Variants in PKD2 observed in about 807,000 individuals in gnomAD.
PKD2 encodes polycystin-2.
Under a neutral mutation model 105.9 loss-of-function variants are expected in PKD2, and 48 were observed. The ratio of observed to expected loss-of-function variants is 0.45; its 90% CI spans 0.36 to 0.58. The LOEUF (loss-of-function observed/expected upper bound fraction) is 0.58, where lower values mean the gene tolerates loss of function less well. Among genes scored for constraint, PKD2 ranks in the 20% least tolerant of loss-of-function variants. PKD2 has a pLI of 0.00. For missense variants in PKD2, 1,078 were observed against 1,255.3 expected (o/e 0.86, Z 2.13); for synonymous variants, 464 against 481.1 (o/e 0.96, Z 0.46).
At chr4:88,062,940 T>C (rs577799701) in intron 10 of PKD2, among the ~76,000 whole-genome samples, 1 of 152,342 alleles carries the variant, frequency 6.6e-6, no homozygotes, top group South Asian at 2.1e-4. Context: ...ACACAAACTT[T>C]GGTTACCCCA....
In PKD2 at chr4:88,043,347, T is replaced by C; in HGVS notation, c.1209T>C (p.Ala403=). The change falls in exon 5 of 15, where the codon GCT becomes GCC. Residue 403 remains alanine (A), a synonymous_variant. Transcript: ENST00000237596. ...LDLSRTREET[A]AQVASLKKNV... ...TGTCAAGAACAAGAGAGGAAACAGC[T>C]GCACAAGTTGCTAGCCTCAAGAAAA... is the stretch of plus-strand genomic sequence containing the variant. 1 of 1,613,964 alleles carries C rather than the reference T, an allele frequency of 6.2e-7. No individual in the cohort carries two copies. The highest frequency in any genetic ancestry group is 8.5e-7 in the Non-Finnish European group (1 of 1,179,870).
intron 10 of PKD2, 132 bp from the exon 11 acceptor site, chr4:88,065,242 C>G: frequency 1.3e-6 from 1 of 782,228 alleles, no homozygotes; most frequent in Admixed American, 2.0e-5. Flanking sequence ...ATTCTTCATT[C>G]ATCCAGCACG....
At chr4:88,069,031 A>C (rs1720897165) in intron 13 of PKD2, among the ~76,000 whole-genome samples, 2 of 152,210 alleles carry the variant, frequency 1.3e-5, no homozygotes, top group South Asian at 2.1e-4. Flanking sequence ...CCCTGTTTTC[A>C]TTACAAGATG....
chr4:88,035,439 G>T (rs1727298125), intron 2 of PKD2, among the ~76,000 whole-genome samples: 1 of 152,166 alleles, frequency 6.6e-6, no homozygotes, highest in Non-Finnish European at 1.5e-5. Flanking sequence ...GAGATGTGGT[G>T]GGGTTAAGAG....
At chr4:88,064,657 C>T (rs1019609257) in intron 10 of PKD2, among the ~76,000 whole-genome samples, 5 of 151,724 alleles carry the variant, frequency 3.3e-5, no homozygotes, top group African/African-American at 1.2e-4. Flanking sequence ...CTTTGGAAGG[C>T]GAGGCAGGCA....
chr4:88,039,173 G>A (rs543877379), intron 4 of PKD2, among the ~76,000 whole-genome samples: 23 of 152,266 alleles, frequency 1.5e-4, no homozygotes, highest in Admixed American at 3.9e-4. Context: ...CCCTGGGTAC[G>A]TCACTGGTCG....
chr4:88,017,528 G>T (rs1024159297), intron 1 of PKD2, among the ~76,000 whole-genome samples: 6 of 152,054 alleles, frequency 3.9e-5, no homozygotes, highest in African/African-American at 1.4e-4. Flanking sequence ...TTCTGCCTCA[G>T]CCTCCCATGT....
intron 13 of PKD2, among the ~76,000 whole-genome samples, chr4:88,074,388 T>TC (rs1318203366): frequency 6.6e-6 from 1 of 152,128 alleles, no homozygotes; most frequent in African/African-American, 2.4e-5. Context: ...TCTGCACACT[T>TC]CCGCCTCCCA....
chr4:88,055,504 T>G (rs775645831), intron 7 of PKD2, among the ~76,000 whole-genome samples: 16 of 151,990 alleles, frequency 1.1e-4, no homozygotes, highest in South Asian at 2.1e-4. Flanking sequence ...ACCTGACTAA[T>G]TTATTTTTAT....
chr4:88,018,188 G>A (rs1012078368), intron 1 of PKD2, among the ~76,000 whole-genome samples: 5 of 152,202 alleles, frequency 3.3e-5, no homozygotes, highest in African/African-American at 9.6e-5. Context: ...CTGGTGAAAC[G>A]TATGATGCGT....
At chr4:88,021,158 T>C (rs895764650) in intron 2 of PKD2, among the ~76,000 whole-genome samples, 7 of 152,228 alleles carry the variant, frequency 4.6e-5, no homozygotes, top group African/African-American at 1.7e-4. Flanking sequence ...AAATTTCTTA[T>C]GCAAAATAGA....
At chr4:88,032,558 G>A (rs894858062) in intron 2 of PKD2, among the ~76,000 whole-genome samples, 6 of 152,202 alleles carry the variant, frequency 3.9e-5, no homozygotes, top group African/African-American at 1.4e-4. Flanking sequence ...GAAGAAAGAT[G>A]TGTACATATG....
chr4:88,035,875 C>G (rs1215524062), intron 2 of PKD2, among the ~76,000 whole-genome samples: 2 of 152,068 alleles, frequency 1.3e-5, no homozygotes, highest in African/African-American at 4.8e-5. Context: ...GCCTCACTGG[C>G]AGGGAGGATC....
rs1721246095 is a variant in PKD2, at chr4:88,076,728, G to GT, written c.*1035dup. On this transcript the variant is annotated 3_prime_UTR_variant, in exon 15 of 15. Transcript: ENST00000237596. ...CGGTCAGGTATGACGGCTCACGCCT[G>GT]TAATCCCAGCACTTTGGGAGGCCGA... 1 of 152,200 alleles carries GT rather than the reference G, an allele frequency of 6.6e-6. No homozygotes were observed. Among genetic ancestry groups the GT allele is most frequent in the Non-Finnish European group, 1.5e-5 (1 of 68,034 alleles). The allele number at this position is 152,200 out of a possible 1,614,324, so 9.4% of individuals were successfully genotyped here. A position where few individuals can be genotyped will look rare whatever the true frequency, so the allele number is the denominator to read the frequency against.
chr4:88,031,910 T>G (rs2110100679), intron 2 of PKD2, among the ~76,000 whole-genome samples: 1 of 152,334 alleles, frequency 6.6e-6, no homozygotes, highest in Non-Finnish European at 1.5e-5. Context: ...AACTGAGTAT[T>G]CACCTTATAA....
intron 2 of PKD2, among the ~76,000 whole-genome samples, chr4:88,023,078 C>T (rs1726819109): frequency 6.6e-6 from 1 of 151,478 alleles, no homozygotes; most frequent in Admixed American, 6.6e-5. Flanking sequence ...GAGCAAGACC[C>T]TGTCTCAAAA....
intron 6 of PKD2, among the ~76,000 whole-genome samples, chr4:88,050,490 C>T (rs1160240148): frequency 6.6e-6 from 1 of 152,142 alleles, no homozygotes; most frequent in African/African-American, 2.4e-5. Context: ...AATCTCTTTC[C>T]TCATCTTTCA....
chr4:88,012,108 C>A (rs1217558453), intron 1 of PKD2, among the ~76,000 whole-genome samples: 3 of 152,228 alleles, frequency 2.0e-5, no homozygotes, highest in South Asian at 2.1e-4. Context: ...CTTTGAGAAA[C>A]CCTGCCCTAG....
At chr4:88,052,253 A>G in intron 7 of PKD2, 95 bp downstream of exon 7, 1 of 826,626 alleles carries the variant, frequency 1.2e-6, no homozygotes, top group Non-Finnish European at 2.0e-6. Flanking sequence ...TTTGAAATTC[A>G]AGTGACCAGC....
Sources: gnomAD v4.1 joint callset for allele counts (sites outside exome capture counted in the v4.1 genomes callset) on GRCh38, gnomAD v4.1.1 for gene constraint, MANE v1.5 for transcripts, NCBI Gene and HGNC (gene_info 2026-07-23, HGNC 2026-07-21) for gene names.